The following SH3RF3 variants were observed in gnomAD, a reference collection of about 807,000 sequenced individuals.
The protein encoded by SH3RF3 is E3 ubiquitin-protein ligase SH3RF3.
SH3RF3 carries 29 observed loss-of-function variants against 66.3 expected under a neutral mutation model. The observed-to-expected ratio is 0.44, with a 90% CI of 0.33 to 0.60. The LOEUF (loss-of-function observed/expected upper bound fraction) is 0.60, where lower values mean the gene tolerates loss of function less well. SH3RF3 is among the 20% of genes least tolerant of loss of function. SH3RF3 has a pLI of 0.04. For synonymous variants in SH3RF3, 583 were observed against 532.0 expected (o/e 1.10, Z -1.32); for missense variants, 1,194 against 1,190.9 (o/e 1.00, Z -0.04).
At chr2:109,250,545 T>G (rs1680063696) in intron 1 of SH3RF3, among the ~76,000 whole-genome samples, 1 of 151,942 alleles carries the variant, frequency 6.6e-6, no homozygotes, top group African/African-American at 2.4e-5. Context: ...AATTTGACCG[T>G]TTTTCTTTTT....
chr2:109,204,307 A>T (rs1266114493), intron 1 of SH3RF3, among the ~76,000 whole-genome samples: 1 of 152,208 alleles, frequency 6.6e-6, no homozygotes, highest in Non-Finnish European at 1.5e-5. Context: ...CTGCAGAATA[A>T]GGGCACTCTT....
At chr2:109,138,934 A>G (rs1676874230) in intron 1 of SH3RF3, among the ~76,000 whole-genome samples, 1 of 152,246 alleles carries the variant, frequency 6.6e-6, no homozygotes, top group Non-Finnish European at 1.5e-5. Context: ...TTCAGAGGAC[A>G]CTGTAAACAA....
intron 1 of SH3RF3, among the ~76,000 whole-genome samples, chr2:109,165,460 G>T (rs1324125788): frequency 6.6e-6 from 1 of 152,216 alleles, no homozygotes; most frequent in African/African-American, 2.4e-5. Flanking sequence ...TTGGATGGAA[G>T]GGGAATAGAG....
chr2:109,148,476 G>T (rs1677150313), intron 1 of SH3RF3, among the ~76,000 whole-genome samples: 1 of 152,158 alleles, frequency 6.6e-6, no homozygotes, highest in Admixed American at 6.5e-5. Flanking sequence ...ACAAATTTCT[G>T]CACGTGTGGG....
intron 1 of SH3RF3, among the ~76,000 whole-genome samples, chr2:109,163,064 A>G (rs796651261): frequency 2.7e-4 from 41 of 152,322 alleles, no homozygotes; most frequent in African/African-American, 9.4e-4. Context: ...ATCCCGCCAA[A>G]TAGGAGGCTG....
intron 1 of SH3RF3, among the ~76,000 whole-genome samples, chr2:109,312,095 C>A (rs1681742025): frequency 6.6e-6 from 1 of 152,154 alleles, no homozygotes; most frequent in South Asian, 2.1e-4. Context: ...TTATGGTTTC[C>A]TTTAGCATTG....
At chr2:109,339,033 A>G (rs1479945732) in intron 1 of SH3RF3, among the ~76,000 whole-genome samples, 1 of 152,166 alleles carries the variant, frequency 6.6e-6, no homozygotes, top group African/African-American at 2.4e-5. Flanking sequence ...GGAAGAGAAA[A>G]TGTATTTACT....
chr2:109,289,698 G>T (rs1179191145), intron 1 of SH3RF3, among the ~76,000 whole-genome samples: 1 of 152,140 alleles, frequency 6.6e-6, no homozygotes, highest in East Asian at 1.9e-4. Flanking sequence ...TAGCATAGAA[G>T]ATGAAACATG....
intron 1 of SH3RF3, among the ~76,000 whole-genome samples, chr2:109,247,600 A>G (rs1196467245): frequency 6.6e-6 from 1 of 152,196 alleles, no homozygotes; most frequent in Non-Finnish European, 1.5e-5. Flanking sequence ...TTCTCTTTGT[A>G]AACAAAGGTG....
chr2:109,476,072 A>G (rs1377187777), intron 8 of SH3RF3, among the ~76,000 whole-genome samples: 1 of 152,212 alleles, frequency 6.6e-6, no homozygotes, highest in Non-Finnish European at 1.5e-5. Context: ...CGGTATGCTT[A>G]GAAACTTGTA....
intron 1 of SH3RF3, among the ~76,000 whole-genome samples, chr2:109,139,881 T>A (rs1055716373): frequency 6.6e-6 from 1 of 152,154 alleles, no homozygotes. Flanking sequence ...TGGACAGGGG[T>A]CTACATCCAA....
intron 2 of SH3RF3, among the ~76,000 whole-genome samples, chr2:109,361,061 T>C (rs904205160): frequency 2.0e-5 from 3 of 152,186 alleles, no homozygotes; most frequent in African/African-American, 7.2e-5. Context: ...TTAAAAGCTT[T>C]TTCTGTATTT....
At chr2:109,367,141 T>TTG (rs1172530254) in intron 2 of SH3RF3, among the ~76,000 whole-genome samples, 1 of 150,610 alleles carries the variant, frequency 6.6e-6, no homozygotes, top group Non-Finnish European at 1.5e-5. Flanking sequence ...TTTTTTTTTT[T>TTG]TTAGTAGAGA....
At chr2:109,385,559 C>A (rs1019300064) in intron 3 of SH3RF3, among the ~76,000 whole-genome samples, 2 of 152,268 alleles carry the variant, frequency 1.3e-5, no homozygotes, top group Non-Finnish European at 2.9e-5. Context: ...TTTCCTTGAA[C>A]TGTCCAGGGC....
chr2:109,186,543 G>GT (rs1678190317), intron 1 of SH3RF3, among the ~76,000 whole-genome samples: 1 of 152,212 alleles, frequency 6.6e-6, no homozygotes, highest in South Asian at 2.1e-4. Flanking sequence ...AGTCAATTCT[G>GT]TTTTTGACAT....
At chr2:109,313,035 T>G (rs899631787) in intron 1 of SH3RF3, among the ~76,000 whole-genome samples, 1 of 152,120 alleles carries the variant, frequency 6.6e-6, no homozygotes, top group African/African-American at 2.4e-5. Flanking sequence ...AAATCTGCAG[T>G]GTTAAGAAGA....
intron 1 of SH3RF3, among the ~76,000 whole-genome samples, chr2:109,287,916 C>G (rs986096160): frequency 2.0e-5 from 3 of 152,226 alleles, no homozygotes; most frequent in Non-Finnish European, 2.9e-5. Context: ...TGTGCCACCT[C>G]TCTACATCCA....
chr2:109,138,790 C>T (rs778068038), intron 1 of SH3RF3, among the ~76,000 whole-genome samples: 6 of 152,190 alleles, frequency 3.9e-5, no homozygotes, highest in Admixed American at 6.5e-5. Context: ...TGGCCCAGAA[C>T]GAGTGATGTT....
intron 1 of SH3RF3, among the ~76,000 whole-genome samples, chr2:109,237,576 C>G (rs550340343): frequency 6.6e-6 from 1 of 152,260 alleles, no homozygotes; most frequent in African/African-American, 2.4e-5. Context: ...CGCAAACTTT[C>G]TTAAAACATT....
Sources: gnomAD v4.1 joint callset for allele counts (sites outside exome capture counted in the v4.1 genomes callset) on GRCh38, gnomAD v4.1.1 for gene constraint, MANE v1.5 for transcripts, NCBI Gene and HGNC (gene_info 2026-07-23, HGNC 2026-07-21) for gene names.